Variants in RABEPK observed in about 807,000 individuals in gnomAD.
RABEPK encodes the protein 40 kDa Rab9 effector protein.
RABEPK carries 27 observed loss-of-function variants against 34.1 expected under a neutral mutation model. That is an observed-to-expected ratio of 0.79 (90% confidence interval 0.58 to 1.09). The LOEUF (loss-of-function observed/expected upper bound fraction) is 1.09, where lower values mean the gene tolerates loss of function less well. RABEPK is among the 50% of genes least tolerant of loss of function. The pLI is 0.00. For synonymous variants in RABEPK, 172 were observed against 169.2 expected, an observed-to-expected ratio of 1.02 and a Z score of -0.13; for missense variants, 449 against 462.6, an observed-to-expected ratio of 0.97 and a Z score of 0.27.
chr9:125,207,186 A>G (rs918111386), intron 2 of RABEPK, among the ~76,000 whole-genome samples: 5 of 152,146 alleles, frequency 3.3e-5, no homozygotes, highest in Admixed American at 2.0e-4. Context: ...TCACACATCT[A>G]GGAAGTACCT....
chr9:125,230,340 G>C (rs1415345378), intron 6 of RABEPK, among the ~76,000 whole-genome samples: 1 of 152,076 alleles, frequency 6.6e-6, no homozygotes, highest in Non-Finnish European at 1.5e-5. Flanking sequence ...CTGGAACAAT[G>C]GGCAGAAGGC....
chr9:125,213,253 G>A lies in RABEPK; in HGVS notation c.212-117G>A, dbSNP rs146362316. On this transcript the variant is annotated intron_variant, in intron 3 of 7. Coordinates refer to ENST00000373538, the MANE Select transcript of RABEPK (RefSeq NM_005833.4). ...TGGAGGTTGACAACATGCCCTTTAA[G>A]TGATTCAGTGGTTTTCATTTATGTT... 10,258 of 1,054,512 alleles carry A rather than the reference G, an allele frequency of 9.7e-3. 68 individuals are homozygous for A. The highest frequency in any genetic ancestry group is 0.011 in the Non-Finnish European group (8,191 of 722,036). The allele number at this position is 1,054,512 out of a possible 1,614,324, so 65.3% of individuals were successfully genotyped here.
intron 4 of RABEPK, among the ~76,000 whole-genome samples, chr9:125,214,360 G>A (rs568210051): frequency 6.6e-6 from 1 of 152,068 alleles, no homozygotes; most frequent in African/African-American, 2.4e-5. Context: ...ATATCCTGTC[G>A]TGCCTAAGAC....
At chr9:125,227,439 T>TA (rs1030346113) in intron 5 of RABEPK, among the ~76,000 whole-genome samples, 1 of 151,832 alleles carries the variant, frequency 6.6e-6, no homozygotes, top group African/African-American at 2.4e-5. Context: ...TTCTTTTTTT[T>TA]AAGACAGAGT....
chr9:125,211,406 T>C (rs1830586515), intron 3 of RABEPK, among the ~76,000 whole-genome samples: 1 of 151,724 alleles, frequency 6.6e-6, no homozygotes, highest in African/African-American at 2.4e-5. Context: ...CACCTCGGCC[T>C]CCCCAAGTGC....
Position 125,207,577 on chromosome 9 carries a change from G to A in RABEPK, c.67G>A (p.Val23Ile). Residue 23 changes from valine to isoleucine, a missense_variant, in exon 3 of 8, where the codon GTC (valine) becomes ATC (isoleucine). Val to Ile is a conservative substitution (Grantham distance 29, BLOSUM62 3). Coordinates refer to ENST00000373538, the MANE Select transcript of RABEPK (RefSeq NM_005833.4). ...PRKATWYTLT[V>I]PGDSPCARVG... ...TTCCTTTGGCAGGTACACCTTGACT[G>A]TCCCTGGAGACAGCCCCTGTGCTCG... The A allele has an allele frequency of 6.2e-7, 1 of 1,614,040 alleles. No homozygotes were observed. The highest frequency in any genetic ancestry group is 8.5e-7 in the Non-Finnish European group (1 of 1,179,902).
Position 125,213,582 on chromosome 9 carries a change from C to T in RABEPK, c.364+60C>T, listed in dbSNP as rs1359267900. 1.9e-5 allele frequency: 25 copies of T among 1,351,174 alleles called. 1 individual carries two copies. Among genetic ancestry groups the T allele is most frequent in the African/African-American group, 4.3e-5 (3 of 69,086 alleles). 83.7% of individuals were successfully genotyped at this position (1,351,174 alleles called of 1,614,324 possible). A position where few individuals can be genotyped will look rare whatever the true frequency, so the allele number is the denominator to read the frequency against. ...ACAAATAAACTTTCATGCACACACA[C>T]ACACATATATATAAATCCAATTATA... is the stretch of plus-strand genomic sequence containing the variant. On this transcript the variant is annotated intron_variant, in intron 4 of 7. Coordinates refer to ENST00000373538, the MANE Select transcript of RABEPK (RefSeq NM_005833.4).
intron 4 of RABEPK, among the ~76,000 whole-genome samples, chr9:125,214,360 G>T (rs568210051): frequency 6.6e-6 from 1 of 152,068 alleles, no homozygotes; most frequent in African/African-American, 2.4e-5. Context: ...ATATCCTGTC[G>T]TGCCTAAGAC....
intron 5 of RABEPK, chr9:125,221,268 G>C (rs573363123): frequency 6.6e-6 from 1 of 152,044 alleles, no homozygotes; most frequent in Non-Finnish European, 1.5e-5. Flanking sequence ...ACGCCCAGGT[G>C]GGAGGATCAC....
chr9:125,211,256 T>C (rs1266227048), intron 3 of RABEPK, among the ~76,000 whole-genome samples: 1 of 151,022 alleles, frequency 6.6e-6, no homozygotes, highest in Non-Finnish European at 1.5e-5. Flanking sequence ...AGAAAGTGAT[T>C]CTCCTGCCTC....
intron 5 of RABEPK, among the ~76,000 whole-genome samples, chr9:125,227,084 C>A (rs552140837): frequency 1.4e-5 from 2 of 145,044 alleles, no homozygotes; most frequent in Non-Finnish European, 3.0e-5. Flanking sequence ...GCAGGAGAAT[C>A]GCTTGAACCT....
chr9:125,231,069 G>A (rs996804979), intron 6 of RABEPK, among the ~76,000 whole-genome samples: 1 of 151,904 alleles, frequency 6.6e-6, no homozygotes, highest in Non-Finnish European at 1.5e-5. Context: ...TTGGGAGGCC[G>A]AGGTGGACGG....
chr9:125,205,420 A>C (rs956561485), intron 2 of RABEPK, among the ~76,000 whole-genome samples: 1 of 152,098 alleles, frequency 6.6e-6, no homozygotes, highest in Non-Finnish European at 1.5e-5. Flanking sequence ...AAATTACTTA[A>C]CCTTTCTTAG....
chr9:125,202,974 G>C, intron 1 of RABEPK, 34 bp from the exon 2 acceptor site: 1 of 1,570,768 alleles, frequency 6.4e-7, no homozygotes, highest in Non-Finnish European at 8.8e-7. Flanking sequence ...ATAATCATAA[G>C]TGTCTAAAAA....
chr9:125,220,670 C>A lies in RABEPK; in HGVS notation c.496C>A (p.Gln166Lys). The part of the protein sequence containing the change: ...GGGERGAQPV[Q>K]DTKLHVFDAN... ...CGGAGAGAGAGGTGCCCAGCCCGTG[C>A]AGGACACGAAGCTGCATGTGTTTGA... Residue 166 changes from glutamine (Q) to lysine (K), a missense_variant, in exon 5 of 8, where the codon CAG becomes AAG. Gln to Lys is a moderately conservative substitution (Grantham distance 53). Coordinates refer to ENST00000373538, the MANE Select transcript of RABEPK (RefSeq NM_005833.4). The A allele has an allele frequency of 6.2e-7, 1 of 1,614,166 alleles. No individual in the cohort carries two copies. Among genetic ancestry groups the A allele is most frequent in the Non-Finnish European group, 8.5e-7 (1 of 1,180,018 alleles).
chr9:125,207,747 T>A (rs756413399), intron 3 of RABEPK, 26 bp downstream of exon 3: 97 of 1,613,128 alleles, frequency 6.0e-5, no homozygotes, highest in Admixed American at 3.2e-4. Flanking sequence ...GCAGAGTACA[T>A]GCCCTATGGC....
chr9:125,228,182 G>A (rs1319556172), intron 6 of RABEPK, 123 bp downstream of exon 6: 6 of 843,534 alleles, frequency 7.1e-6, no homozygotes, highest in Non-Finnish European at 9.8e-6. Context: ...AGTAGCCTCA[G>A]CCTCCAGGAC....
At position 125,232,538 on chromosome 9, in the gene RABEPK, A is replaced by G. The variant is rs1400467694; in HGVS notation, c.677-58A>G. ...GGTGTGCAAACTACAGTAGATAGATAAGTTTGAAAGCACATCTTAGCCCAT... is the reference window on the plus strand; with the variant it reads ...GGTGTGCAAACTACAGTAGATAGATGAGTTTGAAAGCACATCTTAGCCCAT... On this transcript the variant is annotated intron_variant, in intron 6 of 7. Transcript: ENST00000373538. The G allele has an allele frequency of 3.9e-6, 6 of 1,539,198 alleles. No homozygotes were observed. In the African/African-American group the frequency reaches 6.9e-5, roughly 18 times the overall value.
At chr9:125,224,744 G>C (rs1435487656) in intron 5 of RABEPK, among the ~76,000 whole-genome samples, 1 of 152,124 alleles carries the variant, frequency 6.6e-6, no homozygotes, top group Non-Finnish European at 1.5e-5. Flanking sequence ...ATAAGCCACT[G>C]CGCCCGGCCA....
Sources: gnomAD v4.1 joint callset for allele counts (sites outside exome capture counted in the v4.1 genomes callset) on GRCh38, gnomAD v4.1.1 for gene constraint, MANE v1.5 for transcripts, NCBI Gene and HGNC (gene_info 2026-07-23, HGNC 2026-07-21) for gene names.